FGF7: variants seen among roughly 807,000 people sequenced by gnomAD.
FGF7 encodes fibroblast growth factor 7.
FGF7 carries 6 observed loss-of-function variants against 20.5 expected under a neutral mutation model. The ratio of observed to expected loss-of-function variants is 0.29; its 90% CI spans 0.16 to 0.58. The LOEUF (loss-of-function observed/expected upper bound fraction) is 0.58, where lower values mean the gene tolerates loss of function less well. Among genes scored for constraint, FGF7 ranks in the 20% least tolerant of loss-of-function variants. The probability of loss-of-function intolerance (pLI) is 0.90; values close to 1 mark genes in which losing one functional copy is unlikely to be tolerated. For missense variants in FGF7, 144 were observed against 228.8 expected, an observed-to-expected ratio of 0.63 and a Z score of 2.39; for synonymous variants, 64 against 74.7, an observed-to-expected ratio of 0.86 and a Z score of 0.74.
Position 49,443,459 on chromosome 15 carries a change from G to C in FGF7, c.286+18876G>C, listed in dbSNP as rs549766560. ...TAAATTGGCCAATGCTACAAATCAG[G>C]GCTTGATTCACTATTTTGTTGATGG... On this transcript the variant is annotated intron_variant, in intron 2 of 3. Coordinates refer to ENST00000267843, the MANE Select transcript of FGF7 (RefSeq NM_002009.4). Among the ~76,000 whole-genome samples, 10 of 151,460 alleles carry C rather than the reference G, an allele frequency of 6.6e-5. 1 individual carries two copies. The highest frequency in any genetic ancestry group is 2.4e-4 in the African/African-American group (10 of 41,366).
chr15:49,434,591 G>T (rs1036143696), intron 2 of FGF7: 3 of 151,616 alleles, frequency 2.0e-5, no homozygotes, highest in Admixed American at 6.6e-5. Context: ...TAACAGTACT[G>T]CAAGATTGGG....
At chr15:49,438,808 A>T (rs1182771322) in intron 2 of FGF7, among the ~76,000 whole-genome samples, 1 of 150,404 alleles carries the variant, frequency 6.6e-6, no homozygotes, top group African/African-American at 2.4e-5. Flanking sequence ...TACAGTTGTT[A>T]AATGTTACCA....
At position 49,486,499 on chromosome 15, in the gene FGF7, T is replaced by G. The variant is rs1233618193; in HGVS notation, c.*1995T>G. 1 of 152,010 alleles carries G rather than the reference T, an allele frequency of 6.6e-6. No individual in the cohort carries two copies. Among genetic ancestry groups the G allele is most frequent in the African/African-American group, 2.4e-5 (1 of 41,438 alleles). The allele number at this position is 152,010 out of a possible 1,614,324, so 9.4% of individuals were successfully genotyped here. On this transcript the variant is annotated 3_prime_UTR_variant, in exon 4 of 4. Coordinates refer to ENST00000267843, the MANE Select transcript of FGF7 (RefSeq NM_002009.4). ...GCAGACTATCTGTTCATAATCAGTT[T>G]TCAGTGTGAATTCACTGAATGTTTA...
intron 2 of FGF7, among the ~76,000 whole-genome samples, chr15:49,455,984 C>A (rs1462780096): frequency 6.6e-6 from 1 of 152,058 alleles, no homozygotes; most frequent in Non-Finnish European, 1.5e-5. Flanking sequence ...TCTAGAAGAG[C>A]TTTCTATTGA....
At chr15:49,461,796 T>C (rs958020602) in intron 2 of FGF7, among the ~76,000 whole-genome samples, 9 of 152,228 alleles carry the variant, frequency 5.9e-5, no homozygotes, top group African/African-American at 2.2e-4. Flanking sequence ...ATGGTACTGA[T>C]TTAATTTCAA....
At chr15:49,471,116 GA>G (rs1288216527) in intron 2 of FGF7, among the ~76,000 whole-genome samples, 1 of 152,132 alleles carries the variant, frequency 6.6e-6, no homozygotes, top group Non-Finnish European at 1.5e-5. Flanking sequence ...AAAGGGAGTA[GA>G]AAAACTAATT....
At chr15:49,432,657 C>A (rs1013154591) in intron 2 of FGF7, among the ~76,000 whole-genome samples, 1 of 151,570 alleles carries the variant, frequency 6.6e-6, no homozygotes, top group African/African-American at 2.4e-5. Context: ...AAAAACTATA[C>A]AATTGACCTG....
rs187770313 is a variant in FGF7 at position 49,424,080 on chromosome 15, T to C, written c.-218T>C. 17 of 429,138 alleles carry C rather than the reference T, an allele frequency of 4.0e-5. No homozygotes were observed. The Admixed American group carries it at 6.6e-4, about 17-fold the overall frequency. The allele number at this position is 429,138 out of a possible 1,614,324, so 26.6% of individuals were successfully genotyped here. On this transcript the variant is annotated 5_prime_UTR_variant, in exon 2 of 4. Transcript: ENST00000267843. Reference sequence around the variant, plus strand: ...CAGCAACTGAACTTACTACGAACTGTTTTTATGAGGATTTATCAACAGAGT... The same window carrying C: ...CAGCAACTGAACTTACTACGAACTGCTTTTATGAGGATTTATCAACAGAGT...
chr15:49,450,717 C>A (rs889628651), intron 2 of FGF7, among the ~76,000 whole-genome samples: 3 of 152,192 alleles, frequency 2.0e-5, no homozygotes. Context: ...CAATTACATT[C>A]TTGATCTTTA....
chr15:49,424,228 T>G lies in FGF7; in HGVS notation c.-70T>G. Reference sequence around the variant, plus strand: ...CACAGATAGGAAGAGGTCAATGACCTAGGAGTAACAATCAACTCAAGATTC... The same window carrying G: ...CACAGATAGGAAGAGGTCAATGACCGAGGAGTAACAATCAACTCAAGATTC... On this transcript the variant is annotated 5_prime_UTR_variant, in exon 2 of 4. It removes the in-frame stop codon of an upstream open reading frame in the 5' UTR. Coordinates refer to ENST00000267843, the MANE Select transcript of FGF7 (RefSeq NM_002009.4). 7.2e-7 allele frequency: 1 copy of G among 1,379,964 alleles called. No homozygotes were observed. Among genetic ancestry groups the G allele is most frequent in the Non-Finnish European group, 1.0e-6 (1 of 984,984 alleles). The allele number at this position is 1,379,964 out of a possible 1,614,324, so 85.5% of individuals were successfully genotyped here.
chr15:49,424,374 G>T lies in FGF7; in HGVS notation c.77G>T (p.Gly26Val), dbSNP rs764278568. ...TGCTTTCACATTATCTGTCTAGTGG[G>T]TACTATATCTTTAGCTTGCAATGAC... ...RSCFHIICLV[G>V]TISLACNDMT... The change falls in exon 2 of 4, where the codon GGT becomes GTT. Residue 26 changes from glycine (G) to valine (V), a missense_variant. Coordinates refer to ENST00000267843, the MANE Select transcript of FGF7 (RefSeq NM_002009.4). 3 of 1,613,454 alleles carry T rather than the reference G, an allele frequency of 1.9e-6. No individual in the cohort carries two copies.
At chr15:49,481,888 T>G (rs889518785) in intron 2 of FGF7, among the ~76,000 whole-genome samples, 1 of 152,114 alleles carries the variant, frequency 6.6e-6, no homozygotes, top group African/African-American at 2.4e-5. Context: ...ATGCAACATA[T>G]ATGTGAGGCA....
intron 2 of FGF7, among the ~76,000 whole-genome samples, chr15:49,470,069 C>G (rs1196453627): frequency 2.0e-5 from 3 of 152,032 alleles, no homozygotes; most frequent in African/African-American, 7.2e-5. Flanking sequence ...TGCATACAAC[C>G]ATAATCAAAA....
intron 2 of FGF7, among the ~76,000 whole-genome samples, chr15:49,463,223 T>C (rs1567324929): frequency 6.6e-6 from 1 of 152,186 alleles, no homozygotes; most frequent in Non-Finnish European, 1.5e-5. Flanking sequence ...AGTATTTTTC[T>C]AAACTTTTCA....
At chr15:49,432,701 T>C (rs1428697678) in intron 2 of FGF7, among the ~76,000 whole-genome samples, 1 of 151,644 alleles carries the variant, frequency 6.6e-6, no homozygotes, top group Non-Finnish European at 1.5e-5. Context: ...ACTAAGCATG[T>C]ATGCCAAAGT....
intron 2 of FGF7, among the ~76,000 whole-genome samples, chr15:49,452,014 CAT>C (rs1408057609): frequency 6.6e-6 from 1 of 151,872 alleles, no homozygotes; most frequent in Non-Finnish European, 1.5e-5. Context: ...CACTACTTGA[CAT>C]AGATTCAAAA....
chr15:49,457,562 G>A (rs1402044446), intron 2 of FGF7, among the ~76,000 whole-genome samples: 1 of 151,890 alleles, frequency 6.6e-6, no homozygotes, highest in Non-Finnish European at 1.5e-5. Flanking sequence ...TTAGAGAACA[G>A]AAACTTTTCT....
intron 2 of FGF7, among the ~76,000 whole-genome samples, chr15:49,444,304 T>C (rs1162741085): frequency 6.6e-6 from 1 of 151,752 alleles, no homozygotes; most frequent in African/African-American, 2.4e-5. Flanking sequence ...CTTTTTAACA[T>C]TTTAACATTT....
intron 2 of FGF7, among the ~76,000 whole-genome samples, chr15:49,426,952 T>A (rs1597115688): frequency 6.6e-6 from 1 of 152,120 alleles, no homozygotes; most frequent in East Asian, 1.9e-4. Flanking sequence ...GTGGCTATCT[T>A]ATTGGAGAAG....
Sources: allele counts gnomAD v4.1 joint callset (sites outside exome capture counted in the v4.1 genomes callset), GRCh38; gene constraint gnomAD v4.1.1; transcripts MANE v1.5; gene names NCBI Gene and HGNC (gene_info 2026-07-23, HGNC 2026-07-21).